EXOC4: variants seen among roughly 807,000 people sequenced by gnomAD.
EXOC4 encodes exocyst complex component 4.
In EXOC4, 71 loss-of-function variants were observed where a neutral mutation model predicts 107.2. That is an observed-to-expected ratio of 0.66 (90% CI 0.55 to 0.81). The LOEUF is 0.81. Ranked by LOEUF, EXOC4 falls within the 30% of genes least tolerant of loss-of-function variation. EXOC4 has a pLI of 0.00. For missense variants in EXOC4, 1,108 were observed against 1,189.6 expected, an observed-to-expected ratio of 0.93 and a Z score of 1.01; for synonymous variants, 456 against 441.2, an observed-to-expected ratio of 1.03 and a Z score of -0.42.
chr7:133,834,141 C>G (rs1797868918), intron 11 of EXOC4, among the ~76,000 whole-genome samples: 1 of 152,130 alleles, frequency 6.6e-6, no homozygotes, highest in Non-Finnish European at 1.5e-5. Context: ...GGTTTCTCTT[C>G]AAATAATCTG....
At chr7:134,010,370 G>A (rs879516732) in intron 17 of EXOC4, 7 of 152,120 alleles carry the variant, frequency 4.6e-5, no homozygotes, top group Non-Finnish European at 7.3e-5. Flanking sequence ...AAGAAAAAGC[G>A]TATCTTCCTT....
intron 17 of EXOC4, among the ~76,000 whole-genome samples, chr7:134,050,905 T>TG (rs1283812040): frequency 6.6e-6 from 1 of 151,784 alleles, no homozygotes; most frequent in African/African-American, 2.4e-5. Context: ...AGTGAGTGAG[T>TG]GAGGTGGCCA....
At chr7:133,826,122 T>C (rs1420979941) in intron 11 of EXOC4, among the ~76,000 whole-genome samples, 2 of 152,162 alleles carry the variant, frequency 1.3e-5, no homozygotes, top group African/African-American at 4.8e-5. Flanking sequence ...AAGATGCCTG[T>C]GTTCTTGTCT....
chr7:133,788,017 T>C (rs1317713323), intron 10 of EXOC4, among the ~76,000 whole-genome samples: 1 of 89,328 alleles, frequency 1.1e-5, no homozygotes, highest in Non-Finnish European at 2.3e-5. Flanking sequence ...ATATATGGAA[T>C]TTTCTAGAGG....
chr7:133,495,069 C>G (rs1008211463), intron 9 of EXOC4, among the ~76,000 whole-genome samples: 1 of 151,856 alleles, frequency 6.6e-6, no homozygotes, highest in African/African-American at 2.4e-5. Flanking sequence ...ATCAGGAGTT[C>G]GAGACCAACC....
At chr7:133,260,349 C>T (rs1795116793) in intron 1 of EXOC4, among the ~76,000 whole-genome samples, 1 of 151,818 alleles carries the variant, frequency 6.6e-6, no homozygotes, top group Non-Finnish European at 1.5e-5. Context: ...TCTTGGCTCA[C>T]TGCAACCTCT....
intron 7 of EXOC4, among the ~76,000 whole-genome samples, chr7:133,407,010 G>C (rs1169797290): frequency 1.3e-5 from 2 of 152,160 alleles, no homozygotes; most frequent in African/African-American, 4.8e-5. Context: ...CTTCAGTTAG[G>C]TTCCTCTGAG....
intron 13 of EXOC4, among the ~76,000 whole-genome samples, chr7:133,934,063 A>G (rs1800242085): frequency 6.6e-6 from 1 of 152,192 alleles, no homozygotes; most frequent in African/African-American, 2.4e-5. Context: ...ACAACTGCAT[A>G]TCATAATGAA....
chr7:133,685,401 C>T (rs935317087), intron 10 of EXOC4, among the ~76,000 whole-genome samples: 1 of 152,126 alleles, frequency 6.6e-6, no homozygotes, highest in African/African-American at 2.4e-5. Flanking sequence ...GCTTCCCCGT[C>T]ACCTTCTGCC....
chr7:133,796,021 C>G (rs1796806637), intron 10 of EXOC4, among the ~76,000 whole-genome samples: 1 of 152,062 alleles, frequency 6.6e-6, no homozygotes, highest in Non-Finnish European at 1.5e-5. Flanking sequence ...ATGATGCTTC[C>G]TTTTATTTCT....
Position 133,630,040 on chromosome 7 carries a change from G to T in EXOC4, c.1418-5G>T, listed in dbSNP as rs1447485835. 2 of 1,609,386 alleles carry T rather than the reference G, an allele frequency of 1.2e-6. No homozygotes were observed. The highest frequency in any genetic ancestry group is 1.7e-5 in the Admixed American group (1 of 59,580). ...TAAGTCTGTTTTTTTTCTTTCTTCTGAAAGGGGGTCCTGATGACAACTTAA... is the reference window on the plus strand; with the variant it reads ...TAAGTCTGTTTTTTTTCTTTCTTCTTAAAGGGGGTCCTGATGACAACTTAA... On this transcript the variant is annotated splice_region_variant and splice_polypyrimidine_tract_variant and intron_variant, in intron 9 of 17. Coordinates refer to ENST00000253861, the MANE Select transcript of EXOC4 (RefSeq NM_021807.4).
Position 133,869,154 on chromosome 7 carries a change from A to G in EXOC4, c.1735-26445A>G, listed in dbSNP as rs565745344. Among the ~76,000 whole-genome samples the G allele has an allele frequency of 3.9e-5, 6 of 152,012 alleles. No individual in the cohort carries two copies. The East Asian group carries it at 1.2e-3, about 30-fold the overall frequency. ...GGGTCATGATGAACGGCACTCATAT[A>G]TACCTCCTGTGGGCAGCTGAATTCC... On this transcript the variant is annotated intron_variant, in intron 11 of 17. Transcript: ENST00000253861.
At chr7:133,831,935 G>C (rs973423277) in intron 11 of EXOC4, among the ~76,000 whole-genome samples, 1 of 151,920 alleles carries the variant, frequency 6.6e-6, no homozygotes, top group Admixed American at 6.6e-5. Flanking sequence ...GCCTCCTCTC[G>C]GTTAGGTGTG....
intron 9 of EXOC4, among the ~76,000 whole-genome samples, chr7:133,529,038 A>G (rs1334658481): frequency 6.6e-6 from 1 of 152,184 alleles, no homozygotes; most frequent in Non-Finnish European, 1.5e-5. Context: ...CTCCCCTGGC[A>G]TCCTGAAGAG....
At chr7:134,008,284 T>A (rs1360609476) in intron 17 of EXOC4, among the ~76,000 whole-genome samples, 1 of 152,252 alleles carries the variant, frequency 6.6e-6, no homozygotes, top group Non-Finnish European at 1.5e-5. Context: ...AAACTGGAAC[T>A]GTGTTAATGC....
At position 133,344,943 on chromosome 7, in the gene EXOC4, C is replaced by T. The variant is rs1795751257; in HGVS notation, c.764-11387C>T. ...GGTGTCTTTTTCTTATTTTTATTTA[C>T]AGTTGTTTTGGATTTTGGTCAGTTC... On this transcript the variant is annotated intron_variant, in intron 5 of 17. Transcript: ENST00000253861. Among the ~76,000 whole-genome samples the T allele has an allele frequency of 2.0e-5, 3 of 152,070 alleles. No homozygotes were observed. In the South Asian group the frequency reaches 6.2e-4, roughly 31 times the overall value.
chr7:133,341,212 A>AAGTTTTGAT (rs1254168864), intron 5 of EXOC4, among the ~76,000 whole-genome samples: 1 of 152,144 alleles, frequency 6.6e-6, no homozygotes, highest in African/African-American at 2.4e-5. Flanking sequence ...TATATTGCAG[A>AAGTTTTGAT]AGTTTTGATA....
At chr7:133,301,697 T>C (rs1471882794) in intron 3 of EXOC4, among the ~76,000 whole-genome samples, 1 of 152,228 alleles carries the variant, frequency 6.6e-6, no homozygotes, top group Non-Finnish European at 1.5e-5. Flanking sequence ...TTTTCTTCTT[T>C]TTTTGGCTTG....
chr7:133,607,502 A>G (rs533640529), intron 9 of EXOC4, among the ~76,000 whole-genome samples: 64 of 152,350 alleles, frequency 4.2e-4, no homozygotes, highest in African/African-American at 1.5e-3. Context: ...GTACCTAAGC[A>G]TTATCTGCAT....
Sources: gnomAD v4.1 joint callset for allele counts (sites outside exome capture counted in the v4.1 genomes callset) on GRCh38, gnomAD v4.1.1 for gene constraint, MANE v1.5 for transcripts, NCBI Gene and HGNC (gene_info 2026-07-23, HGNC 2026-07-21) for gene names.